Variants in AATF observed in about 807,000 individuals in gnomAD.
AATF encodes the protein apoptosis antagonizing transcription factor.
In AATF, 48 loss-of-function variants were observed where a neutral mutation model predicts 63.7. That is an observed-to-expected ratio of 0.75 (90% CI 0.60 to 0.96). AATF has a LOEUF of 0.96. Ranked by LOEUF, AATF falls within the 40% of genes least tolerant of loss-of-function variation. The pLI is 0.00. For synonymous variants in AATF, 258 were observed against 247.7 expected (o/e 1.04, Z -0.39); for missense variants, 639 against 685.7 (o/e 0.93, Z 0.76).
chr17:37,010,330 T>C (rs748044079), intron 8 of AATF, among the ~76,000 whole-genome samples: 23 of 151,940 alleles, frequency 1.5e-4, no homozygotes, highest in Admixed American at 7.2e-4. Context: ...TGGTGGTGGG[T>C]GCCTGTAGTC....
intron 8 of AATF, chr17:36,999,966 T>G (rs1289675168): frequency 6.6e-6 from 1 of 152,156 alleles, no homozygotes; most frequent in Non-Finnish European, 1.5e-5. Flanking sequence ...GGAGGCCAGG[T>G]CCTGTGGGAC....
At chr17:37,016,356 A>G (rs1409100823) in intron 8 of AATF, among the ~76,000 whole-genome samples, 1 of 152,180 alleles carries the variant, frequency 6.6e-6, no homozygotes, top group Non-Finnish European at 1.5e-5. Context: ...GCTTAATAGT[A>G]CTATTAGTCC....
intron 2 of AATF, among the ~76,000 whole-genome samples, chr17:36,952,363 A>G (rs72826137): frequency 0.09 from 13,721 of 152,256 alleles, 823 homozygotes; most frequent in Admixed American, 0.17. Flanking sequence ...ATTAAATTCT[A>G]TTTGCCTTTC....
intron 8 of AATF, among the ~76,000 whole-genome samples, chr17:36,993,850 A>G (rs895081357): frequency 5.3e-5 from 8 of 152,176 alleles, no homozygotes; most frequent in Admixed American, 3.9e-4. Context: ...AGCTGTGTGA[A>G]TGCCCTAACT....
At chr17:37,014,466 C>A (rs1305284144) in intron 8 of AATF, among the ~76,000 whole-genome samples, 1 of 152,064 alleles carries the variant, frequency 6.6e-6, no homozygotes, top group Non-Finnish European at 1.5e-5. Context: ...AAAACTGGGA[C>A]AGGTAAAGTG....
At chr17:36,950,071 G>A (rs1321675474) in intron 1 of AATF, 143 bp from the exon 2 acceptor site, 7 of 884,378 alleles carry the variant, frequency 7.9e-6, no homozygotes, top group Non-Finnish European at 1.2e-5. Flanking sequence ...TCTACTTTGG[G>A]AGAGAGTGAA....
intron 10 of AATF, among the ~76,000 whole-genome samples, chr17:37,023,176 T>C (rs2071485963): frequency 6.6e-6 from 1 of 152,186 alleles, no homozygotes; most frequent in Non-Finnish European, 1.5e-5. Flanking sequence ...CTTTATTCTC[T>C]GGGCCTCACT....
rs900366154 is a variant in AATF at position 37,056,643 on chromosome 17, C to T, written c.1662C>T (p.Pro554=). 7 of 1,614,126 alleles carry T rather than the reference C, an allele frequency of 4.3e-6. No individual in the cohort carries two copies. Among genetic ancestry groups the T allele is most frequent in the East Asian group, 4.5e-5 (2 of 44,902 alleles). The change falls in exon 12 of 12, where the codon CCC becomes CCT. Residue 554 remains proline, a synonymous_variant. Transcript: ENST00000619387. ...CTCTTTTTGGCCAGCTCCACCCTCC[C>T]GACGAAGGCCACGGGGATTGACATC... The part of the protein sequence containing the change: ...YRSLFGQLHP[P]DEGHGD
intron 8 of AATF, among the ~76,000 whole-genome samples, chr17:37,014,443 A>G (rs796300877): frequency 1.8e-4 from 28 of 152,240 alleles, no homozygotes; most frequent in African/African-American, 6.5e-4. Context: ...GGGCGACTGT[A>G]TAATTTATTA....
At chr17:36,984,248 G>A (rs553832143) in intron 4 of AATF, among the ~76,000 whole-genome samples, 361 of 152,312 alleles carry the variant, frequency 2.4e-3, no homozygotes, top group Non-Finnish European at 4.5e-3. Flanking sequence ...AGTGATAGAA[G>A]CATGGCCAGA....
At chr17:36,949,382 G>T (rs1363096271) in intron 1 of AATF, among the ~76,000 whole-genome samples, 166 bp downstream of exon 1, 1 of 152,234 alleles carries the variant, frequency 6.6e-6, no homozygotes, top group Admixed American at 6.5e-5. Flanking sequence ...CGGGAGGAGG[G>T]CTTCGGCTTC....
intron 4 of AATF, among the ~76,000 whole-genome samples, chr17:36,978,195 A>G (rs1419208578): frequency 3.3e-5 from 5 of 151,998 alleles, no homozygotes; most frequent in Non-Finnish European, 5.9e-5. Flanking sequence ...ATATTTTATC[A>G]TATGTCTCTT....
chr17:36,990,805 A>G lies in AATF; in HGVS notation c.1346A>G (p.His449Arg), dbSNP rs1222561215. The part of the protein sequence containing the change: ...EILPQAPANA[H>R]LKDLDEEIFD... Reference sequence around the variant, plus strand: ...CTTCCTCAAGCCCCTGCTAATGCTCATCTGAAGGACTTGGATGAAGAAATC... The same window carrying G: ...CTTCCTCAAGCCCCTGCTAATGCTCGTCTGAAGGACTTGGATGAAGAAATC... Residue 449 changes from histidine to arginine, a missense_variant, in exon 8 of 12, where the codon CAT becomes CGT. Physicochemically the swap from His to Arg is conservative, Grantham distance 29. Transcript: ENST00000619387. 8.8e-6 allele frequency: 14 copies of G among 1,594,488 alleles called. No individual in the cohort carries two copies. The African/African-American group carries it at 1.2e-4, about 14-fold the overall frequency.
Position 36,988,731 on chromosome 17 carries a change from G to C in AATF, c.1149+11G>C. 6.2e-7 allele frequency: 1 copy of C among 1,613,154 alleles called. No individual in the cohort carries two copies. Among genetic ancestry groups the C allele is most frequent in the Non-Finnish European group, 8.5e-7 (1 of 1,179,718 alleles). On this transcript the variant is annotated intron_variant, in intron 6 of 11. Coordinates refer to ENST00000619387, the MANE Select transcript of AATF (RefSeq NM_012138.4). ...GGAAAACTGGGGAAGGCAAGTGTGT[G>C]TATGCGCGCATGTATGTGTAAGATA...
chr17:37,044,150 T>C (rs1195574862), intron 11 of AATF, among the ~76,000 whole-genome samples: 4 of 152,194 alleles, frequency 2.6e-5, no homozygotes, highest in Non-Finnish European at 5.9e-5. Flanking sequence ...GAAGATGAGT[T>C]TCTTGCCTCT....
intron 11 of AATF, 91 bp from the exon 12 acceptor site, chr17:37,056,510 A>G: frequency 3.0e-6 from 4 of 1,326,952 alleles, no homozygotes; most frequent in Non-Finnish European, 4.3e-6. Flanking sequence ...AACAGAAGAA[A>G]CAGAATGGGG....
intron 10 of AATF, among the ~76,000 whole-genome samples, chr17:37,023,630 T>A (rs1395788334): frequency 6.9e-6 from 1 of 144,994 alleles, no homozygotes; most frequent in East Asian, 2.1e-4. Context: ...AAACAGAGTT[T>A]AAAAAGAGGC....
At chr17:37,008,479 A>G (rs1235042558) in intron 8 of AATF, among the ~76,000 whole-genome samples, 4 of 152,254 alleles carry the variant, frequency 2.6e-5, no homozygotes, top group African/African-American at 4.8e-5. Context: ...ATTCATACCT[A>G]GAAGCATTAG....
intron 8 of AATF, among the ~76,000 whole-genome samples, chr17:37,003,405 A>G (rs1443852293): frequency 6.6e-6 from 1 of 150,564 alleles, no homozygotes; most frequent in African/African-American, 2.4e-5. Flanking sequence ...ATTAAGTAAG[A>G]TGAGGGCTGA....
Sources: allele counts gnomAD v4.1 joint callset (sites outside exome capture counted in the v4.1 genomes callset), GRCh38; gene constraint gnomAD v4.1.1; transcripts MANE v1.5; gene names NCBI Gene and HGNC (gene_info 2026-07-23, HGNC 2026-07-21).